Variants in CARS2 observed in about 807,000 individuals in gnomAD.
CARS2 encodes probable cysteine--tRNA ligase, mitochondrial.
In CARS2, 52 loss-of-function variants were observed where a neutral mutation model predicts 68.8. The ratio of observed to expected loss-of-function variants is 0.76; its 90% CI spans 0.61 to 0.95. The LOEUF is 0.95. Ranked by LOEUF, CARS2 falls within the 40% of genes least tolerant of loss-of-function variation. The probability of loss-of-function intolerance (pLI) is 0.00; values close to 1 mark genes in which losing one functional copy is unlikely to be tolerated. For missense variants in CARS2, 780 were observed against 754.2 expected (o/e 1.03, Z -0.40); for synonymous variants, 314 against 303.6 (o/e 1.03, Z -0.36).
At chr13:110,679,644 C>T (rs1449735978) in intron 6 of CARS2, among the ~76,000 whole-genome samples, 5 of 57,206 alleles carry the variant, frequency 8.7e-5, no homozygotes, top group South Asian at 9.8e-4. Context: ...GGACACCGGG[C>T]GTGACCGGAG....
chr13:110,678,583 A>G (rs2139817017), intron 6 of CARS2, among the ~76,000 whole-genome samples: 1 of 152,360 alleles, frequency 6.6e-6, no homozygotes, highest in East Asian at 1.9e-4. Flanking sequence ...CCAAGCAAAC[A>G]GAACAATTCC....
chr13:110,704,493 G>A (rs1172568563), intron 2 of CARS2, among the ~76,000 whole-genome samples: 1 of 152,216 alleles, frequency 6.6e-6, no homozygotes, highest in African/African-American at 2.4e-5. Context: ...GGAGGCCAAG[G>A]CAGGTGGATC....
intron 10 of CARS2, chr13:110,648,803 C>T (rs763364207): frequency 9.2e-5 from 14 of 152,184 alleles, no homozygotes; most frequent in Admixed American, 5.9e-4. Flanking sequence ...GACCAAACTT[C>T]GTATTCAAAG....
At chr13:110,706,966 C>CCCAATACAGTGTGCACT (rs1373546094), upstream of CARS2, among the ~76,000 whole-genome samples, 3 of 151,490 alleles carry the variant, frequency 2.0e-5, no homozygotes, top group Non-Finnish European at 2.9e-5. Context: ...ACATCAGCAT[C>CCCAATACAGTGTGCACT]CCAATACAGT....
At chr13:110,713,065 G>C in intron 1 of CARS2, 1 of 1,454,274 alleles carries the variant, frequency 6.9e-7, no homozygotes, top group Non-Finnish European at 9.1e-7. Flanking sequence ...GCCCGTGCCC[G>C]GCCCTCCCCT....
chr13:110,670,085 T>C lies in CARS2; in HGVS notation c.786-2612A>G, dbSNP rs911162763. The stretch of plus-strand genomic sequence containing the variant: ...GAAGCTCGAACTGGGTGGAGCCCAC[T>C]ACAGCTCAAGGAGGCCTGCCCACCT... On this transcript the variant is annotated intron_variant, in intron 7 of 14. Transcript: ENST00000257347. The surrounding 1 kb of genome is among the most constrained non-coding windows in gnomAD (Gnocchi z 4.1). Among the ~76,000 whole-genome samples the C allele has an allele frequency of 6.6e-6, 1 of 152,212 alleles. No homozygotes were observed. Among genetic ancestry groups the C allele is most frequent in the Non-Finnish European group, 1.5e-5 (1 of 68,040 alleles).
At chr13:110,677,376 T>C (rs1434342526) in intron 6 of CARS2, among the ~76,000 whole-genome samples, 1 of 58,708 alleles carries the variant, frequency 1.7e-5, no homozygotes, top group Non-Finnish European at 3.1e-5. Flanking sequence ...ACACAGAAAA[T>C]CACCCCACCA....
At chr13:110,663,155 C>G (rs2062554183) in intron 9 of CARS2, 1 of 544,776 alleles carries the variant, frequency 1.8e-6, no homozygotes, top group Non-Finnish European at 3.5e-6. Context: ...AAGAGGGAGA[C>G]AACAATTATA....
intron 9 of CARS2, among the ~76,000 whole-genome samples, chr13:110,659,560 G>T (rs1380382829): frequency 6.6e-6 from 1 of 151,734 alleles, no homozygotes; most frequent in Non-Finnish European, 1.5e-5. Context: ...TGAAGGGTTG[G>T]TTCCAGACCA....
chr13:110,671,054 T>C (rs1424775474), intron 7 of CARS2, among the ~76,000 whole-genome samples: 2 of 150,170 alleles, frequency 1.3e-5, no homozygotes, highest in East Asian at 3.9e-4. Flanking sequence ...CCGAGAAATA[T>C]GGGACTATGT....
chr13:110,709,161 G>A (rs1289658552), upstream of CARS2, among the ~76,000 whole-genome samples: 3 of 150,994 alleles, frequency 2.0e-5, no homozygotes, highest in Admixed American at 6.6e-5. Flanking sequence ...GGGTTCAAGC[G>A]ATTCTCCTGC....
At chr13:110,641,835 C>T (rs1008321321) in intron 14 of CARS2, among the ~76,000 whole-genome samples, 19 of 152,220 alleles carry the variant, frequency 1.2e-4, no homozygotes, top group Admixed American at 2.6e-4. Context: ...CCGTGCTCAG[C>T]GTCCCCTGCA....
chr13:110,669,011 A>G (rs560273387), intron 7 of CARS2, among the ~76,000 whole-genome samples: 2 of 152,372 alleles, frequency 1.3e-5, no homozygotes, highest in South Asian at 2.1e-4. Context: ...TGATAAACAC[A>G]TAGAAGTAAA....
chr13:110,659,077 G>T (rs1296635761), intron 9 of CARS2, among the ~76,000 whole-genome samples: 1 of 152,162 alleles, frequency 6.6e-6, no homozygotes, highest in Non-Finnish European at 1.5e-5. Flanking sequence ...TGTCTTCAAT[G>T]TATTTCCTAA....
At chr13:110,673,440 A>G (rs1364203058) in intron 7 of CARS2, among the ~76,000 whole-genome samples, 4 of 152,254 alleles carry the variant, frequency 2.6e-5, no homozygotes, top group African/African-American at 9.6e-5. Flanking sequence ...TCCATCACAT[A>G]AACAGAACCA....
chr13:110,692,514 G>A (rs1261513702), intron 3 of CARS2, among the ~76,000 whole-genome samples: 1 of 149,814 alleles, frequency 6.7e-6, no homozygotes, highest in Non-Finnish European at 1.5e-5. Context: ...ATTTGATAGG[G>A]CTAGTCCCTC....
At chr13:110,667,522 T>A (rs757717109) in intron 7 of CARS2, 49 bp from the exon 8 acceptor site, 25 of 1,584,848 alleles carry the variant, frequency 1.6e-5, no homozygotes, top group Non-Finnish European at 2.1e-5. Flanking sequence ...AAGCAACATA[T>A]TTTCTTCTAA....
intron 7 of CARS2, among the ~76,000 whole-genome samples, chr13:110,674,989 C>A (rs1259791946): frequency 6.6e-6 from 1 of 152,088 alleles, no homozygotes; most frequent in Non-Finnish European, 1.5e-5. Context: ...CAGAGAAATG[C>A]AAATCAAAAC....
Position 110,683,066 on chromosome 13 carries a change from G to C in CARS2, c.640C>G (p.Pro214Ala). The C allele has an allele frequency of 1.2e-6, 2 of 1,602,378 alleles. No homozygotes were observed. Among genetic ancestry groups the C allele is most frequent in the Non-Finnish European group, 1.7e-6 (2 of 1,176,094 alleles). The change falls in exon 6 of 15, where the codon CCA becomes GCA. Residue 214 changes from proline to alanine, a missense_variant. Coordinates refer to ENST00000257347, the MANE Select transcript of CARS2 (RefSeq NM_024537.4). ...GCCAACCCACCTGGCTCTCCGACTG[G>C]ACCAGGGACCACGCCGACCAATTTG... ...YGKLVGVVPG[P>A]VGEPADSDKR...
Sources: allele counts gnomAD v4.1 joint callset (sites outside exome capture counted in the v4.1 genomes callset), GRCh38; gene constraint gnomAD v4.1.1; non-coding constraint Gnocchi (gnomAD v3.1); transcripts MANE v1.5; gene names NCBI Gene and HGNC (gene_info 2026-07-23, HGNC 2026-07-21).